The following COL21A1 variants were observed in gnomAD, a reference collection of about 807,000 sequenced individuals.
COL21A1 encodes the protein collagen type XXI alpha 1 chain.
A neutral mutation model predicts 137.9 loss-of-function variants in COL21A1; 149 were observed. The ratio of observed to expected loss-of-function variants is 1.08; its 90% CI spans 0.95 to 1.24. The LOEUF is 1.24. Among genes scored for constraint, COL21A1 ranks in the 50% most tolerant of loss-of-function variants. COL21A1 has a pLI of 0.00. For missense variants in COL21A1, 1,167 were observed against 1,158.4 expected (o/e 1.01, Z -0.11); for synonymous variants, 456 against 391.5 (o/e 1.16, Z -1.95).
intron 2 of COL21A1, among the ~76,000 whole-genome samples, chr6:56,181,889 T>C (rs1025292705): frequency 1.3e-5 from 2 of 152,180 alleles, no homozygotes; most frequent in Non-Finnish European, 1.5e-5. Context: ...TGAATTAAAC[T>C]ATAGAAGTGT....
At chr6:56,260,681 AAGGAAGGAAGGC>A (rs1562028954) in intron 1 of COL21A1, among the ~76,000 whole-genome samples, 42 of 110,328 alleles carry the variant, frequency 3.8e-4, no homozygotes, top group South Asian at 3.1e-3. Flanking sequence ...GGAAGGAAGG[AAGGAAGGAAGGC>A]AGGCAGGCAG....
chr6:56,299,906 G>A (rs1027525752), intron 1 of COL21A1, among the ~76,000 whole-genome samples: 12 of 151,940 alleles, frequency 7.9e-5, no homozygotes, highest in South Asian at 2.1e-4. Context: ...CCTTTCTCCC[G>A]ATAAATAAAA....
chr6:56,276,405 G>C, intron 1 of COL21A1: 1 of 561,494 alleles, frequency 1.8e-6, no homozygotes, highest in Non-Finnish European at 3.2e-6. Flanking sequence ...TTTTAAAAAG[G>C]TTTCCTGTTT....
At chr6:56,281,050 A>G (rs1763776772) in intron 1 of COL21A1, among the ~76,000 whole-genome samples, 1 of 152,104 alleles carries the variant, frequency 6.6e-6, no homozygotes, top group Admixed American at 6.6e-5. Flanking sequence ...CTGCCTGACT[A>G]TAAAGCCAGT....
chr6:56,205,285 C>T (rs1046933627), intron 1 of COL21A1, among the ~76,000 whole-genome samples: 1 of 152,074 alleles, frequency 6.6e-6, no homozygotes, highest in Non-Finnish European at 1.5e-5. Flanking sequence ...TAGAGAAGAA[C>T]ATAAGTGACC....
At chr6:56,376,777 A>C (rs2094000001) in intron 1 of COL21A1, among the ~76,000 whole-genome samples, 1 of 151,786 alleles carries the variant, frequency 6.6e-6, no homozygotes, top group South Asian at 2.1e-4. Flanking sequence ...GAAAATAAAA[A>C]GGAGGAGACA....
intron 1 of COL21A1, among the ~76,000 whole-genome samples, chr6:56,283,772 A>G (rs4355611): frequency 0.51 from 76,900 of 151,918 alleles, 20,719 homozygotes; most frequent in East Asian, 0.85. Context: ...TTGTGAAAGA[A>G]TATGTCATAA....
chr6:56,133,704 T>G (rs1245475696), intron 12 of COL21A1, among the ~76,000 whole-genome samples: 1 of 152,148 alleles, frequency 6.6e-6, no homozygotes, highest in Non-Finnish European at 1.5e-5. Context: ...AGGGCCCCCT[T>G]GCTCTGTGCA....
At chr6:56,293,218 TA>T (rs1056228598) in intron 1 of COL21A1, among the ~76,000 whole-genome samples, 1 of 152,186 alleles carries the variant, frequency 6.6e-6, no homozygotes, top group African/African-American at 2.4e-5. Flanking sequence ...TTAAGTAATG[TA>T]AAAAGTGTCA....
chr6:56,373,718 T>A (rs1487304241), intron 1 of COL21A1, among the ~76,000 whole-genome samples: 2 of 152,244 alleles, frequency 1.3e-5, no homozygotes, highest in African/African-American at 4.8e-5. Context: ...ACAATTAACA[T>A]ATGCATTACC....
At chr6:56,377,123 A>G (rs1341723121) in intron 1 of COL21A1, among the ~76,000 whole-genome samples, 8 of 151,786 alleles carry the variant, frequency 5.3e-5, no homozygotes, top group Admixed American at 5.3e-4. Flanking sequence ...GACTACAGGC[A>G]TGTGCCACCA....
chr6:56,344,426 T>A (rs1238149779), intron 1 of COL21A1, among the ~76,000 whole-genome samples: 1 of 152,214 alleles, frequency 6.6e-6, no homozygotes, highest in Non-Finnish European at 1.5e-5. Flanking sequence ...ACTAAATTTT[T>A]CAGATATTCA....
At chr6:56,127,144 C>T (rs1037611276) in intron 12 of COL21A1, among the ~76,000 whole-genome samples, 8 of 152,156 alleles carry the variant, frequency 5.3e-5, no homozygotes, top group Non-Finnish European at 1.0e-4. Context: ...TCTCTCATAG[C>T]ATCCAACACC....
chr6:56,307,985 A>G (rs1292479465), intron 1 of COL21A1, among the ~76,000 whole-genome samples: 1 of 152,216 alleles, frequency 6.6e-6, no homozygotes, highest in Non-Finnish European at 1.5e-5. Context: ...CATAAATACA[A>G]TGAGATGCTG....
At chr6:56,204,606 C>A (rs1779636247) in intron 1 of COL21A1, among the ~76,000 whole-genome samples, 1 of 152,170 alleles carries the variant, frequency 6.6e-6, no homozygotes, top group African/African-American at 2.4e-5. Context: ...AGCAGCAAAT[C>A]TCCCAGCACA....
intron 1 of COL21A1, among the ~76,000 whole-genome samples, chr6:56,215,338 C>G (rs1447243578): frequency 6.6e-6 from 1 of 152,046 alleles, no homozygotes; most frequent in Non-Finnish European, 1.5e-5. Flanking sequence ...GAAACCTTAT[C>G]CTGCAGCTGT....
rs559118186 is a variant in COL21A1, at chr6:56,357,403, C to T, written c.-39+36568G>A. Among the ~76,000 whole-genome samples the T allele has an allele frequency of 2.4e-3, 367 of 152,234 alleles. 5 individuals are homozygous for T. The highest frequency in any genetic ancestry group is 3.4e-3 in the Middle Eastern group (1 of 294). Reference sequence around the variant, plus strand: ...ATCATCGCCTGTCCATGCACAAACTCGCTAACACTGGTAGCATGACTGGAA... The same window carrying T: ...ATCATCGCCTGTCCATGCACAAACTTGCTAACACTGGTAGCATGACTGGAA... On this transcript the variant is annotated intron_variant, in intron 1 of 28. Transcript: ENST00000370819.
At chr6:56,222,505 T>C (rs73457156) in intron 1 of COL21A1, among the ~76,000 whole-genome samples, 2,032 of 152,222 alleles carry the variant, frequency 0.013, 43 homozygotes, top group African/African-American at 0.047. Flanking sequence ...ATTTAAAGAA[T>C]ATAAAACAAA....
At chr6:56,196,844 T>A (rs1023635192) in intron 1 of COL21A1, among the ~76,000 whole-genome samples, 2 of 152,008 alleles carry the variant, frequency 1.3e-5, no homozygotes, top group African/African-American at 4.8e-5. Context: ...ATTATCAAGA[T>A]CCCAATGGCA....
Sources: gnomAD v4.1 joint callset for allele counts (sites outside exome capture counted in the v4.1 genomes callset) on GRCh38, gnomAD v4.1.1 for gene constraint, MANE v1.5 for transcripts, NCBI Gene and HGNC (gene_info 2026-07-23, HGNC 2026-07-21) for gene names.